CAMTA1: variants seen among roughly 807,000 people sequenced by gnomAD.
The protein encoded by CAMTA1 is calmodulin-binding transcription activator 1.
CAMTA1 carries 27 observed loss-of-function variants against 170.9 expected under a neutral mutation model. The ratio of observed to expected loss-of-function variants is 0.16; its 90% CI spans 0.12 to 0.22. CAMTA1 has a LOEUF of 0.22. CAMTA1 is among the 10% of genes least tolerant of loss of function. The pLI, the probability that CAMTA1 is intolerant of heterozygous loss-of-function variation, is 1.00. For missense variants in CAMTA1, 1,619 were observed against 2,217.2 expected (o/e 0.73, Z 5.42); for synonymous variants, 833 against 891.5 (o/e 0.93, Z 1.17).
At chr1:7,279,361 T>G (rs774866212) in intron 5 of CAMTA1, among the ~76,000 whole-genome samples, 2 of 152,180 alleles carry the variant, frequency 1.3e-5, no homozygotes, top group African/African-American at 2.4e-5. Context: ...TTCTCCTTAT[T>G]TTTCTTTTCT....
intron 6 of CAMTA1, among the ~76,000 whole-genome samples, chr1:7,504,836 C>T (rs536234904): frequency 2.0e-5 from 3 of 152,276 alleles, no homozygotes; most frequent in African/African-American, 7.2e-5. Context: ...TACAGTGACA[C>T]AGCTGGCCTT....
intron 5 of CAMTA1, among the ~76,000 whole-genome samples, chr1:7,442,872 C>G (rs1337358195): frequency 6.6e-6 from 1 of 152,122 alleles, no homozygotes; most frequent in Non-Finnish European, 1.5e-5. Context: ...TGGTCCCTGC[C>G]CCCAGAGCTG....
intron 6 of CAMTA1, among the ~76,000 whole-genome samples, chr1:7,607,447 GTGGATGGATGGATGGGTGGATGGA>G (rs914909468): frequency 9.4e-5 from 14 of 149,316 alleles, no homozygotes; most frequent in Middle Eastern, 3.4e-3. Context: ...TGATAGGTGG[GTGGATGGATGGATGGGTGGATGGA>G]TGGATGGATG....
At chr1:7,494,280 A>G (rs2093789811) in intron 6 of CAMTA1, among the ~76,000 whole-genome samples, 1 of 152,176 alleles carries the variant, frequency 6.6e-6, no homozygotes, top group East Asian at 1.9e-4. Flanking sequence ...CTAAAGGAAA[A>G]CACATTTGCT....
intron 6 of CAMTA1, among the ~76,000 whole-genome samples, chr1:7,610,709 CAAG>C (rs1180282634): frequency 6.6e-6 from 1 of 152,210 alleles, no homozygotes; most frequent in African/African-American, 2.4e-5. Flanking sequence ...TCCCTAGAAA[CAAG>C]ATGCAGCCCC....
intron 18 of CAMTA1, 117 bp downstream of exon 18, chr1:7,746,208 G>T: frequency 8.0e-7 from 1 of 1,248,624 alleles, no homozygotes; most frequent in Non-Finnish European, 1.1e-6. Context: ...TGAATTTGTA[G>T]AATTTTTTTG....
chr1:7,664,411 A>T lies in CAMTA1; in HGVS notation c.1864A>T (p.Ser622Cys). 6.2e-7 allele frequency: 1 copy of T among 1,613,484 alleles called. No homozygotes were observed. The highest frequency in any genetic ancestry group is 8.5e-7 in the Non-Finnish European group (1 of 1,179,908). Residue 622 changes from serine to cysteine, a missense_variant, in exon 9 of 23, where the codon AGC becomes TGC. Coordinates refer to ENST00000303635, the MANE Select transcript of CAMTA1 (RefSeq NM_015215.4). ...CCCGAGCTTCTTCCTGCAGGACGCCAGCAAACCCCTCCCCGTCGAGCAGAA... is the reference window on the plus strand; with the variant it reads ...CCCGAGCTTCTTCCTGCAGGACGCCTGCAAACCCCTCCCCGTCGAGCAGAA... ...PSPSFFLQDA[S>C]KPLPVEQNTH...
Position 7,680,842 on chromosome 1 carries a change from ACGCGCG to A in CAMTA1, c.2914+3123_2914+3128del, listed in dbSNP as rs1553247058. On this transcript the variant is annotated intron_variant, in intron 11 of 22. Transcript: ENST00000303635. The surrounding 1 kb of genome is among the most constrained non-coding windows in gnomAD (Gnocchi z 4.4). ...GGCGTGGGTCCGGGGCGCAGAGAAC[ACGCGCG>A]CGCGCGCGCGCGCCAGCAGCAGCAG... is the stretch of plus-strand genomic sequence containing the variant. 0.015 allele frequency among the ~76,000 whole-genome samples: 2,051 copies of A among 141,132 alleles called. 49 individuals are homozygous for A. The highest frequency in any genetic ancestry group is 0.05 in the African/African-American group (1,926 of 38,486). 92.6% of individuals were successfully genotyped at this position (141,132 alleles called of 152,430 possible).
chr1:7,724,684 G>A (rs1359666879), intron 11 of CAMTA1, among the ~76,000 whole-genome samples: 2 of 152,042 alleles, frequency 1.3e-5, no homozygotes, highest in Non-Finnish European at 2.9e-5. Flanking sequence ...TTAGCCAGGT[G>A]TGGTGGCTCA....
At chr1:7,699,800 G>T (rs988227310) in intron 11 of CAMTA1, among the ~76,000 whole-genome samples, 1 of 152,160 alleles carries the variant, frequency 6.6e-6, no homozygotes, top group Non-Finnish European at 1.5e-5. Context: ...GAGCATTATT[G>T]ATTATTGCCC....
chr1:7,626,735 G>A (rs2095636347), intron 6 of CAMTA1, among the ~76,000 whole-genome samples: 1 of 152,198 alleles, frequency 6.6e-6, no homozygotes, highest in Non-Finnish European at 1.5e-5. Context: ...GTTCAACTCA[G>A]AGTCTCTCTT....
At chr1:6,933,685 C>T (rs1183221053) in intron 3 of CAMTA1, among the ~76,000 whole-genome samples, 17 of 148,790 alleles carry the variant, frequency 1.1e-4, no homozygotes, top group Non-Finnish European at 2.1e-4. Flanking sequence ...TTTTTTTGCA[C>T]GTAGACATCC....
intron 3 of CAMTA1, among the ~76,000 whole-genome samples, chr1:6,896,128 G>C (rs1280693393): frequency 6.6e-6 from 1 of 151,946 alleles, no homozygotes; most frequent in Non-Finnish European, 1.5e-5. Flanking sequence ...CATTTTTTTT[G>C]AACCGTTTGG....
chr1:7,028,125 G>T (rs542673451), intron 3 of CAMTA1, among the ~76,000 whole-genome samples: 2 of 152,040 alleles, frequency 1.3e-5, no homozygotes, highest in African/African-American at 4.8e-5. Flanking sequence ...GGCTGGTCTC[G>T]AACTCCTGAA....
intron 9 of CAMTA1, 121 bp from the exon 10 acceptor site, chr1:7,670,790 A>T: frequency 9.1e-7 from 1 of 1,102,320 alleles, no homozygotes; most frequent in Non-Finnish European, 1.3e-6. Context: ...GGGCCTGGGA[A>T]TCTGCATGGG....
At chr1:7,686,719 G>C (rs2096261663) in intron 11 of CAMTA1, among the ~76,000 whole-genome samples, 1 of 152,178 alleles carries the variant, frequency 6.6e-6, no homozygotes, top group Non-Finnish European at 1.5e-5. Context: ...CTACTCCAGG[G>C]CTCTTGCGTC....
intron 3 of CAMTA1, among the ~76,000 whole-genome samples, chr1:6,839,439 T>A (rs925765865): frequency 6.6e-6 from 1 of 152,154 alleles, no homozygotes; most frequent in African/African-American, 2.4e-5. Context: ...TTTAATGCCA[T>A]CATTTATGCA....
chr1:7,276,304 T>TATA (rs1553299266), intron 5 of CAMTA1, among the ~76,000 whole-genome samples: 2 of 14,950 alleles, frequency 1.3e-4, no homozygotes, highest in African/African-American at 6.7e-4. Flanking sequence ...TATATATATA[T>TATA]TTTTTTTTTT....
At chr1:7,004,226 A>G (rs1341035139) in intron 3 of CAMTA1, among the ~76,000 whole-genome samples, 1 of 152,250 alleles carries the variant, frequency 6.6e-6, no homozygotes, top group Non-Finnish European at 1.5e-5. Flanking sequence ...CAGGGAGGCC[A>G]GTGTTATTGT....
Sources: gnomAD v4.1 joint callset for allele counts (sites outside exome capture counted in the v4.1 genomes callset) on GRCh38, gnomAD v4.1.1 for gene constraint, Gnocchi (gnomAD v3.1) non-coding constraint, MANE v1.5 for transcripts, NCBI Gene and HGNC (gene_info 2026-07-23, HGNC 2026-07-21) for gene names.